PACRG: variants seen among roughly 807,000 people sequenced by gnomAD.
PACRG encodes parkin coregulated.
A neutral mutation model predicts 29.7 loss-of-function variants in PACRG; 29 were observed. The observed-to-expected ratio is 0.98, with a 90% CI of 0.73 to 1.33. PACRG has a LOEUF of 1.33. PACRG is among the 40% of genes most tolerant of loss of function. The probability of loss-of-function intolerance (pLI) is 0.00; values close to 1 mark genes in which losing one functional copy is unlikely to be tolerated. For missense variants in PACRG, 279 were observed against 316.2 expected (o/e 0.88, Z 0.89); for synonymous variants, 116 against 118.7 (o/e 0.98, Z 0.15).
chr6:162,770,266 T>C (rs549330465), intron 1 of PACRG, among the ~76,000 whole-genome samples: 76 of 152,306 alleles, frequency 5.0e-4, no homozygotes, highest in African/African-American at 1.8e-3. Flanking sequence ...AATCTTTTAA[T>C]TCATTGCACA....
intron 4 of PACRG, among the ~76,000 whole-genome samples, chr6:163,290,266 A>ACGCGCGCG (rs377081564): frequency 2.5e-5 from 3 of 120,512 alleles, no homozygotes; most frequent in African/African-American, 9.6e-5. Context: ...GTGCGCATGC[A>ACGCGCGCG]CGCGCGCGCG....
chr6:162,763,362 C>T (rs1391302750), intron 1 of PACRG, among the ~76,000 whole-genome samples: 4 of 152,270 alleles, frequency 2.6e-5, no homozygotes, highest in East Asian at 3.9e-4. Context: ...CCTGTCACAA[C>T]GCTGACAAGG....
chr6:163,122,924 T>C (rs961831868), intron 4 of PACRG, among the ~76,000 whole-genome samples: 2 of 152,212 alleles, frequency 1.3e-5, no homozygotes, highest in African/African-American at 4.8e-5. Context: ...ATAAGACTAC[T>C]GATACAGCTC....
chr6:163,299,017 C>G (rs140214871), intron 4 of PACRG, among the ~76,000 whole-genome samples: 111 of 152,310 alleles, frequency 7.3e-4, no homozygotes, highest in African/African-American at 2.6e-3. Flanking sequence ...CTCTGAAGTA[C>G]TCTTATTTAA....
intron 1 of PACRG, among the ~76,000 whole-genome samples, chr6:162,775,578 A>C (rs1404295838): frequency 6.6e-6 from 1 of 152,190 alleles, no homozygotes; most frequent in Non-Finnish European, 1.5e-5. Flanking sequence ...TAAATAGCAT[A>C]AGAGAGATTT....
chr6:163,099,997 G>T (rs183449053), intron 4 of PACRG, among the ~76,000 whole-genome samples: 5 of 152,092 alleles, frequency 3.3e-5, no homozygotes, highest in Admixed American at 6.5e-5. Context: ...GCAGAGGGAC[G>T]GGCTGTGTCG....
intron 2 of PACRG, among the ~76,000 whole-genome samples, chr6:162,941,836 G>T (rs1303533793): frequency 6.6e-6 from 1 of 152,098 alleles, no homozygotes; most frequent in Non-Finnish European, 1.5e-5. Context: ...AGAGATTATT[G>T]TTAAACTCCA....
chr6:163,239,598 T>C lies in PACRG; in HGVS notation c.614-75229T>C, dbSNP rs185517892. ...TGTCCTTCTTAACATCACCTGATGG[T>C]GTGGGCACAGCTGGCTGTTCATTGC... On this transcript the variant is annotated intron_variant, in intron 4 of 4. Transcript: ENST00000366888. Among the ~76,000 whole-genome samples, 3 of 152,036 alleles carry C rather than the reference T, an allele frequency of 2.0e-5. No homozygotes were observed. In the East Asian group the frequency reaches 5.8e-4, roughly 29 times the overall value.
chr6:163,087,890 G>A (rs926989533), intron 3 of PACRG, among the ~76,000 whole-genome samples: 3 of 152,184 alleles, frequency 2.0e-5, no homozygotes, highest in Admixed American at 6.5e-5. Context: ...GACCAGAGGA[G>A]TGTTGGTGAG....
At chr6:163,080,505 G>A (rs569159675) in intron 3 of PACRG, among the ~76,000 whole-genome samples, 2 of 152,314 alleles carry the variant, frequency 1.3e-5, no homozygotes, top group East Asian at 1.9e-4. Flanking sequence ...ATGACATGAC[G>A]CTTCAGGTTT....
At chr6:163,048,306 A>G (rs1809621116) in intron 2 of PACRG, among the ~76,000 whole-genome samples, 1 of 152,196 alleles carries the variant, frequency 6.6e-6, no homozygotes, top group Non-Finnish European at 1.5e-5. Context: ...GGGATCTGCT[A>G]TAGGTTTCTG....
intron 4 of PACRG, among the ~76,000 whole-genome samples, chr6:163,178,101 A>G (rs141716483): frequency 2.0e-5 from 3 of 152,266 alleles, no homozygotes; most frequent in Non-Finnish European, 4.4e-5. Flanking sequence ...CTCAGCCAGG[A>G]GAAACACGAG....
chr6:163,021,547 G>A (rs2128220780), intron 2 of PACRG, among the ~76,000 whole-genome samples: 1 of 152,180 alleles, frequency 6.6e-6, no homozygotes, highest in South Asian at 2.1e-4. Context: ...CCAGCTCATG[G>A]CTCCCACCGC....
intron 1 of PACRG, among the ~76,000 whole-genome samples, chr6:162,790,244 G>A (rs1044221782): frequency 2.6e-5 from 4 of 152,160 alleles, no homozygotes; most frequent in Non-Finnish European, 5.9e-5. Context: ...ACTGCAGGAA[G>A]TGGATTTAAA....
In PACRG at chr6:162,759,144, T is replaced by G. The variant is rs80209706; in HGVS notation, c.156+30753T>G. Among the ~76,000 whole-genome samples the G allele has an allele frequency of 8.4e-3, 1,272 of 152,330 alleles. 25 individuals are homozygous for G. The highest frequency in any genetic ancestry group is 0.029 in the African/African-American group (1,218 of 41,572). On this transcript the variant is annotated intron_variant, in intron 1 of 4. Coordinates refer to ENST00000366888, the MANE Select transcript of PACRG (RefSeq NM_001080379.2). ...GAAGCAGCTCCCTAGAACACAGAGA[T>G]ATTCAGATGTTTTCCACTATTTACA...
chr6:162,994,594 G>C (rs888998311), intron 2 of PACRG, among the ~76,000 whole-genome samples: 1 of 151,508 alleles, frequency 6.6e-6, no homozygotes, highest in African/African-American at 2.4e-5. Context: ...AGCTCCATCA[G>C]CTCCTTTAAG....
At chr6:162,957,101 C>G (rs1800108079) in intron 2 of PACRG, among the ~76,000 whole-genome samples, 1 of 151,632 alleles carries the variant, frequency 6.6e-6, no homozygotes, top group Non-Finnish European at 1.5e-5. Flanking sequence ...TAGAGTGAGA[C>G]AGACTTGAGC....
intron 2 of PACRG, among the ~76,000 whole-genome samples, chr6:162,847,422 C>CT (rs34264121): frequency 6.6e-6 from 1 of 151,594 alleles, no homozygotes; most frequent in Non-Finnish European, 1.5e-5. Context: ...TCAGTTTCCC[C>CT]TTTTTTGGGA....
In PACRG at chr6:163,054,793, G is replaced by T. The variant is rs550126226; in HGVS notation, c.292-7357G>T. On this transcript the variant is annotated intron_variant, in intron 2 of 4. Transcript: ENST00000366888. ...CCAGTTTCCACACAGGAAGAGGAGGGGCCAGGCTACTCCCTGCGGCAAATG... is the reference window on the plus strand; with the variant it reads ...CCAGTTTCCACACAGGAAGAGGAGGTGCCAGGCTACTCCCTGCGGCAAATG... Among the ~76,000 whole-genome samples, 115 of 152,238 alleles carry T rather than the reference G, an allele frequency of 7.6e-4. 4 individuals are homozygous for T. The South Asian group carries it at 0.023, about 30-fold the overall frequency.
Sources: gnomAD v4.1 joint callset for allele counts (sites outside exome capture counted in the v4.1 genomes callset) on GRCh38, gnomAD v4.1.1 for gene constraint, MANE v1.5 for transcripts, NCBI Gene and HGNC (gene_info 2026-07-23, HGNC 2026-07-21) for gene names.